RPL6: variants seen among roughly 807,000 people sequenced by gnomAD.
RPL6 encodes the protein large ribosomal subunit protein eL6.
A neutral mutation model predicts 32.1 loss-of-function variants in RPL6; 1 was observed. That is an observed-to-expected ratio of 0.03 (90% CI 0.01 to 0.15). The LOEUF is 0.15. Among genes scored for constraint, RPL6 ranks in the 10% least tolerant of loss-of-function variants. The pLI, the probability that RPL6 is intolerant of heterozygous loss-of-function variation, is 1.00. For synonymous variants in RPL6, 126 were observed against 131.6 expected, an observed-to-expected ratio of 0.96 and a Z score of 0.29; for missense variants, 275 against 354.6, an observed-to-expected ratio of 0.78 and a Z score of 1.80.
At chr12:112,412,521 G>A (rs1415444432), upstream of RPL6, among the ~76,000 whole-genome samples, 2 of 151,342 alleles carry the variant, frequency 1.3e-5, no homozygotes, top group Non-Finnish European at 2.9e-5. Flanking sequence ...TGTCGCCCAG[G>A]CTGGAATGCA....
upstream of RPL6, among the ~76,000 whole-genome samples, chr12:112,412,108 C>T (rs1019657701): frequency 5.3e-5 from 8 of 149,760 alleles, no homozygotes; most frequent in Admixed American, 3.3e-4. Context: ...GGCATGATCT[C>T]GGCTCACTGC....
rs757741256 is a variant in RPL6, at chr12:112,408,400, C to T, written c.237+20G>A. ...CCAATTAAGGTTAAGACATAATGGT[C>T]CGTGGTCCTCTTCCCTTACCTTGGA... On this transcript the variant is annotated intron_variant, in intron 2 of 6. Transcript: ENST00000202773. 1.2e-6 allele frequency: 2 copies of T among 1,613,704 alleles called. No individual in the cohort carries two copies. The highest frequency in any genetic ancestry group is 1.7e-4 in the Middle Eastern group (1 of 6,060).
intron 1 of RPL6, among the ~76,000 whole-genome samples, chr12:112,416,296 C>T (rs1394249570): frequency 2.6e-5 from 4 of 152,026 alleles, no homozygotes; most frequent in South Asian, 2.1e-4. Flanking sequence ...CCCACCACCA[C>T]GCCCAGCTAA....
intron 1 of RPL6, 170 bp downstream of exon 1, chr12:112,409,417 T>G (rs1426239431): frequency 4.3e-5 from 17 of 398,488 alleles, no homozygotes; most frequent in African/African-American, 1.9e-4. Context: ...TCACCCTCTT[T>G]GTGCCCTGCC....
chr12:112,406,601 G>C (rs1449520253), intron 4 of RPL6, 146 bp downstream of exon 4: 1 of 1,123,376 alleles, frequency 8.9e-7, no homozygotes, highest in Non-Finnish European at 1.3e-6. Flanking sequence ...CTTCTTATTT[G>C]CAACAACTAA....
In RPL6 at chr12:112,405,858, T is replaced by C. The variant is rs16942044; in HGVS notation, c.709A>G (p.Lys237Glu). ...GATGACAAGTAGAAACTTACCTCTTTTTCTGTGTCGAAGATCTCACCTTCC... is the reference window on the plus strand; with the variant it reads ...GATGACAAGTAGAAACTTACCTCTTCTTCTGTGTCGAAGATCTCACCTTCC... ...HQEGEIFDTE[K>E]EKYEITEQRK... Residue 237 changes from lysine to glutamate, a missense_variant, in exon 6 of 7, where the codon AAA becomes GAA. Lys to Glu is a moderately conservative substitution (Grantham distance 56). Transcript: ENST00000202773. The C allele has an allele frequency of 1.9e-6, 3 of 1,610,872 alleles. No individual in the cohort carries two copies. The African/African-American group carries it at 4.0e-5, about 22-fold the overall frequency.
intron 1 of RPL6, among the ~76,000 whole-genome samples, chr12:112,417,361 TCTGTAGC>T (rs2037426264): frequency 6.6e-6 from 1 of 151,570 alleles, no homozygotes; most frequent in South Asian, 2.1e-4. Context: ...CTCAGCTAGA[TCTGTAGC>T]CTTCAATGAG....
upstream of RPL6, chr12:112,411,169 A>T (rs2037337186): frequency 6.6e-6 from 1 of 152,254 alleles, no homozygotes; most frequent in Admixed American, 6.5e-5. Context: ...ATGAAGATGC[A>T]TGAGAGTTTT....
Position 112,406,348 on chromosome 12 carries a change from A to T in RPL6, c.481-6T>A, listed in dbSNP as rs1483937243. The T allele has an allele frequency of 1.2e-6, 2 of 1,610,366 alleles. No individual in the cohort carries two copies. Among genetic ancestry groups the T allele is most frequent in the Non-Finnish European group, 1.7e-6 (2 of 1,177,000 alleles). On this transcript the variant is annotated splice_polypyrimidine_tract_variant and splice_region_variant and intron_variant, in intron 4 of 6. Transcript: ENST00000202773. ...TGCTTCAGGAAAACCACCCTCTGTA[A>T]GTTAAAAAGAAAATAATTAGTTTTC...
chr12:112,405,368 C>A lies in RPL6; in HGVS notation c.723G>T (p.Glu241Asp), dbSNP rs1310613096. 6.2e-7 allele frequency: 1 copy of A among 1,604,362 alleles called. No individual in the cohort carries two copies. Among genetic ancestry groups the A allele is most frequent in the African/African-American group, 1.3e-5 (1 of 74,176 alleles). The change falls in exon 7 of 7, where the codon GAG becomes GAT. Residue 241 changes from glutamate to aspartate, a missense_variant. Coordinates refer to ENST00000202773, the MANE Select transcript of RPL6 (RefSeq NM_000970.6). ...EIFDTEKEKY[E>D]ITEQRKIDQK... Reference sequence around the variant, plus strand: ...GATCAATCTTGCGCTGCTCCGTAATCTCATATTTCTAAATAAAGAGAAAAT... The same window carrying A: ...GATCAATCTTGCGCTGCTCCGTAATATCATATTTCTAAATAAAGAGAAAAT...
Position 112,409,567 on chromosome 12 carries a change from G to C in RPL6, c.-1+20C>G. The stretch of plus-strand genomic sequence containing the variant: ...GGGAGTCCTGAACTCAAGTCTTGCA[G>C]ACAGGCCCGCGATTCTTACCTTGCA... On this transcript the variant is annotated intron_variant, in intron 1 of 6. Coordinates refer to ENST00000202773, the MANE Select transcript of RPL6 (RefSeq NM_000970.6). 2.5e-6 allele frequency: 1 copy of C among 398,610 alleles called. No homozygotes were observed. Among genetic ancestry groups the C allele is most frequent in the Non-Finnish European group, 4.4e-6 (1 of 226,098 alleles). The allele number at this position is 398,610 out of a possible 1,614,324, so 24.7% of individuals were successfully genotyped here. A position where few individuals can be genotyped will look rare whatever the true frequency, so the allele number is the denominator to read the frequency against.
intron 1 of RPL6, chr12:112,408,857 A>AC (rs2037266537): frequency 1.9e-6 from 1 of 524,328 alleles, no homozygotes; most frequent in East Asian, 3.0e-5. Flanking sequence ...TCCCCAATAC[A>AC]CTATAAACTT....
chr12:112,406,459 G>T, intron 4 of RPL6, 117 bp from the exon 5 acceptor site: 1 of 922,560 alleles, frequency 1.1e-6, no homozygotes, highest in Non-Finnish European at 1.7e-6. Flanking sequence ...TATGTATACA[G>T]CTCGGCAGTT....
intron 3 of RPL6, 142 bp downstream of exon 3, chr12:112,408,098 G>T: frequency 1.6e-6 from 1 of 637,124 alleles, no homozygotes; most frequent in Non-Finnish European, 2.8e-6. Flanking sequence ...AAATGTTGAA[G>T]CCAAGTTACA....
Position 112,405,271 on chromosome 12 carries a change from C to T in RPL6, c.820G>A (p.Val274Met). Reference protein sequence around the residue: ...IPQLQGYLRSVFALTNGIYPH... With the variant: ...IPQLQGYLRSMFALTNGIYPH... ...TAAATTCCATTCGTCAGAGCAAACA[C>T]AGATCGCAGGTAGCCCTGGAGCTGA... is the stretch of plus-strand genomic sequence containing the variant. Residue 274 changes from valine (V) to methionine (M), a missense_variant, in exon 7 of 7, where the codon GTG becomes ATG. By Grantham distance (21) the Val-to-Met change is conservative (BLOSUM62 1). Transcript: ENST00000202773. 6.2e-7 allele frequency: 1 copy of T among 1,606,936 alleles called. No individual in the cohort carries two copies. The highest frequency in any genetic ancestry group is 8.5e-7 in the Non-Finnish European group (1 of 1,178,066).
chr12:112,414,565 G>A (rs1210983410), upstream of RPL6, among the ~76,000 whole-genome samples: 4 of 152,158 alleles, frequency 2.6e-5, no homozygotes, highest in Admixed American at 6.6e-5. Flanking sequence ...CAGACACAGA[G>A]GAGTCAAATG....
chr12:112,406,521 T>C, intron 4 of RPL6, 179 bp from the exon 5 acceptor site: 2 of 804,210 alleles, frequency 2.5e-6, no homozygotes. Context: ...CATAAACACG[T>C]TTTTGAGTAA....
chr12:112,415,163 C>T (rs559049995), upstream of RPL6, among the ~76,000 whole-genome samples: 66 of 152,214 alleles, frequency 4.3e-4, no homozygotes, highest in African/African-American at 1.4e-3. Context: ...AAAGGCTCTA[C>T]GCTGGGAAAG....
intron 2 of RPL6, 27 bp downstream of exon 2, chr12:112,408,393 T>C: frequency 6.2e-7 from 1 of 1,613,686 alleles, no homozygotes; most frequent in Non-Finnish European, 8.5e-7. Context: ...GGTTAAGACA[T>C]AATGGTCCGT....
Sources: allele counts gnomAD v4.1 joint callset (sites outside exome capture counted in the v4.1 genomes callset), GRCh38; gene constraint gnomAD v4.1.1; transcripts MANE v1.5; gene names NCBI Gene and HGNC (gene_info 2026-07-23, HGNC 2026-07-21).